The following PGR variants were observed in gnomAD, a reference collection of about 807,000 sequenced individuals.
PGR encodes the protein nuclear receptor subfamily 3 group C member 3.
A neutral mutation model predicts 76.1 loss-of-function variants in PGR; 25 were observed. That is an observed-to-expected ratio of 0.33 (90% CI 0.24 to 0.46). PGR has a LOEUF of 0.46. Among genes scored for constraint, PGR ranks in the 20% least tolerant of loss-of-function variants. PGR has a pLI of 1.00. For synonymous variants in PGR, 579 were observed against 535.0 expected, an observed-to-expected ratio of 1.08 and a Z score of -1.14; for missense variants, 1,172 against 1,225.3, an observed-to-expected ratio of 0.96 and a Z score of 0.65.
chr11:101,061,584 T>C (rs1001020576), intron 4 of PGR, among the ~76,000 whole-genome samples: 1 of 152,214 alleles, frequency 6.6e-6, no homozygotes, highest in African/African-American at 2.4e-5. Flanking sequence ...TGTTTAATTC[T>C]TGATCAGATA....
chr11:101,035,805 A>G lies in PGR; in HGVS notation c.*3311T>C. ...TAATTTCAAATGAATTCAACCAAAT[A>G]TATCATAGCACATGGTGACATAAAT... On this transcript the variant is annotated 3_prime_UTR_variant, in exon 8 of 8. Transcript: ENST00000325455. The G allele has an allele frequency of 4.3e-6, 1 of 232,096 alleles. No homozygotes were observed. Among genetic ancestry groups the G allele is most frequent in the Non-Finnish European group, 8.5e-6 (1 of 117,350 alleles). The allele number at this position is 232,096 out of a possible 1,614,324, so 14.4% of individuals were successfully genotyped here.
At chr11:101,045,617 G>C (rs1859844915) in intron 6 of PGR, among the ~76,000 whole-genome samples, 1 of 151,882 alleles carries the variant, frequency 6.6e-6, no homozygotes, top group Non-Finnish European at 1.5e-5. Flanking sequence ...CCATGTTGCT[G>C]CAAAAGACAC....
intron 2 of PGR, among the ~76,000 whole-genome samples, chr11:101,117,351 CTT>C (rs1396426313): frequency 6.6e-6 from 1 of 151,872 alleles, no homozygotes; most frequent in Non-Finnish European, 1.5e-5. Flanking sequence ...TCCTGTTTGT[CTT>C]TTTCTTGATT....
chr11:101,126,157 G>A lies in PGR; in HGVS notation c.1639C>T (p.Pro547Ser), dbSNP rs774046825. The change falls in exon 2 of 8, where the codon CCG becomes TCG. Residue 547 changes from proline (P) to serine (S), a missense_variant and splice_region_variant. Physicochemically the swap from Pro to Ser is moderately conservative, Grantham distance 74. Around this residue, in one of 4 missense-constraint regions of PGR, gnomAD observed 893 missense variants for 785.9 expected, o/e 1.14. Coordinates refer to ENST00000325455, the MANE Select transcript of PGR (RefSeq NM_000926.4). ...GGGCTCTGGCTGGCTTCTGAATCCG[G>A]CCTTGAAATGCAAAACAAAGTACTC... Reference protein sequence around the residue: ...VYPPYLNYLRPDSEASQSPQY... With the variant: ...VYPPYLNYLRSDSEASQSPQY... 1 of 1,613,950 alleles carries A rather than the reference G, an allele frequency of 6.2e-7. No homozygotes were observed. The highest frequency in any genetic ancestry group is 8.5e-7 in the Non-Finnish European group (1 of 1,179,872).
chr11:101,127,784 C>T lies in PGR; in HGVS notation c.1287G>A (p.Ala429=). ...LGPPPPLPPR[A]TPSRPGEAAV... is the part of the protein sequence containing the mutation. ...CCGCTTCCCCGGGTCTGGATGGGGT[C>T]GCTCGCGGCGGCAGCGGGGGCGGTG... The change falls in exon 1 of 8, where the codon GCG becomes GCA. Residue 429 remains alanine, a synonymous_variant. Coordinates refer to ENST00000325455, the MANE Select transcript of PGR (RefSeq NM_000926.4). 6.4e-7 allele frequency: 1 copy of T among 1,563,554 alleles called. No homozygotes were observed. The highest frequency in any genetic ancestry group is 1.2e-5 in the South Asian group (1 of 86,666).
chr11:101,107,177 G>A (rs573380418), intron 2 of PGR, among the ~76,000 whole-genome samples: 4 of 152,244 alleles, frequency 2.6e-5, no homozygotes, highest in East Asian at 3.9e-4. Flanking sequence ...AAAACTGCAC[G>A]TTCTGCACAT....
chr11:101,052,454 C>G (rs557090217), intron 4 of PGR, among the ~76,000 whole-genome samples: 4 of 151,932 alleles, frequency 2.6e-5, no homozygotes, highest in Non-Finnish European at 5.9e-5. Flanking sequence ...CCATGTCTTC[C>G]CAATTCTCAA....
chr11:101,086,188 A>G (rs1453874251), intron 3 of PGR, among the ~76,000 whole-genome samples: 2 of 152,210 alleles, frequency 1.3e-5, no homozygotes, highest in African/African-American at 2.4e-5. Context: ...ACACAGACAC[A>G]AAAATTCTCA....
chr11:101,050,709 G>A (rs551719180), intron 5 of PGR, among the ~76,000 whole-genome samples: 83 of 151,998 alleles, frequency 5.5e-4, no homozygotes, highest in Non-Finnish European at 8.7e-4. Flanking sequence ...ACTAGATTTT[G>A]GCTAAAAAGA....
intron 6 of PGR, among the ~76,000 whole-genome samples, chr11:101,049,056 A>G (rs1171194523): frequency 2.6e-5 from 4 of 151,960 alleles, no homozygotes; most frequent in South Asian, 2.1e-4. Flanking sequence ...TTCTTTCTCT[A>G]TATCTTTATT....
chr11:101,083,712 T>G (rs1013241618), intron 3 of PGR, among the ~76,000 whole-genome samples: 11 of 152,202 alleles, frequency 7.2e-5, no homozygotes, highest in Admixed American at 1.3e-4. Flanking sequence ...CTCCTTTGTT[T>G]TGGCCAGTTA....
intron 2 of PGR, among the ~76,000 whole-genome samples, chr11:101,098,451 G>A (rs1261717818): frequency 6.6e-6 from 1 of 152,150 alleles, no homozygotes; most frequent in Non-Finnish European, 1.5e-5. Flanking sequence ...AGTCAGTATG[G>A]TATGACCCAC....
intron 2 of PGR, among the ~76,000 whole-genome samples, chr11:101,108,721 T>C (rs1381381655): frequency 6.6e-6 from 1 of 152,192 alleles, no homozygotes; most frequent in African/African-American, 2.4e-5. Context: ...CTTGTTTTAA[T>C]TCTTATATCT....
In PGR at chr11:101,046,263, CT is replaced by C. The variant is rs1365694603; in HGVS notation, c.2488+3665del. On this transcript the variant is annotated intron_variant, in intron 6 of 7. Coordinates refer to ENST00000325455, the MANE Select transcript of PGR (RefSeq NM_000926.4). ...ACCTCAGTTTCCCGGCTACCTGGGA[CT>C]ACAGGCACTTGCCACTACGCCTGGC... 9.9e-5 allele frequency among the ~76,000 whole-genome samples: 14 copies of C among 141,726 alleles called. No homozygotes were observed. The East Asian group carries it at 2.8e-3, about 28-fold the overall frequency. 93.0% of individuals were successfully genotyped at this position (141,726 alleles called of 152,430 possible). A position where few individuals can be genotyped will look rare whatever the true frequency, so the allele number is the denominator to read the frequency against.
At chr11:101,107,128 G>T (rs1009018567) in intron 2 of PGR, among the ~76,000 whole-genome samples, 1 of 152,108 alleles carries the variant, frequency 6.6e-6, no homozygotes, top group Non-Finnish European at 1.5e-5. Context: ...GGGTTGACGG[G>T]TGCAGCAAAC....
Position 101,127,861 on chromosome 11 carries a change from AGGAACGCGG to A in PGR, c.1201_1209del (p.Pro401_Ser403del). Reference sequence around the variant, plus strand: ...GCGGGGTTGGCACCGGCCACAAGGTAGGAACGCGGGGAGCGCGCGGAGGCCTCCGCGCCT... The same window carrying A: ...GCGGGGTTGGCACCGGCCACAAGGTAGGAGCGCGCGGAGGCCTCCGCGCCT... On this transcript the variant is annotated inframe_deletion, in exon 1 of 8. Transcript: ENST00000325455. The A allele has an allele frequency of 6.3e-7, 1 of 1,597,708 alleles. No homozygotes were observed. The highest frequency in any genetic ancestry group is 1.7e-5 in the Admixed American group (1 of 58,620).
intron 2 of PGR, among the ~76,000 whole-genome samples, chr11:101,097,646 T>C (rs1314372557): frequency 2.0e-5 from 3 of 152,228 alleles, no homozygotes; most frequent in Non-Finnish European, 4.4e-5. Flanking sequence ...AATAGTCACT[T>C]GCTTCTGATT....
At chr11:101,078,066 C>T (rs767915144) in intron 3 of PGR, among the ~76,000 whole-genome samples, 2 of 152,080 alleles carry the variant, frequency 1.3e-5, no homozygotes, top group Non-Finnish European at 2.9e-5. Flanking sequence ...AGACTTGTAG[C>T]CTTGTTGGCT....
chr11:101,038,156 T>A lies in PGR; in HGVS notation c.*960A>T, dbSNP rs549691737. On this transcript the variant is annotated 3_prime_UTR_variant, in exon 8 of 8. Transcript: ENST00000325455. ...GTGGAGGATAAAGAGGAGAAAGGTA[T>A]GTGAATTGATACCTCCCTCCTCCTC... 40 of 192,366 alleles carry A rather than the reference T, an allele frequency of 2.1e-4. No homozygotes were observed. Among genetic ancestry groups the A allele is most frequent in the African/African-American group, 8.8e-4 (38 of 43,270 alleles). 11.9% of individuals were successfully genotyped at this position (192,366 alleles called of 1,614,324 possible). A position where few individuals can be genotyped will look rare whatever the true frequency, so the allele number is the denominator to read the frequency against.
Sources: allele counts gnomAD v4.1 joint callset (sites outside exome capture counted in the v4.1 genomes callset), GRCh38; gene constraint gnomAD v4.1.1; regional missense constraint gnomAD v4.1.1; transcripts MANE v1.5; gene names NCBI Gene and HGNC (gene_info 2026-07-23, HGNC 2026-07-21).